The following FBXO11 variants were observed in gnomAD, a reference collection of about 807,000 sequenced individuals.
FBXO11 encodes F-box only protein 11.
A neutral mutation model predicts 117.0 loss-of-function variants in FBXO11; 13 were observed. That is an observed-to-expected ratio of 0.11 (90% CI 0.07 to 0.18). The LOEUF (loss-of-function observed/expected upper bound fraction) is 0.18, where lower values mean the gene tolerates loss of function less well. Ranked by LOEUF, FBXO11 falls within the 10% of genes least tolerant of loss-of-function variation. The pLI, the probability that FBXO11 is intolerant of heterozygous loss-of-function variation, is 1.00. For synonymous variants in FBXO11, 490 were observed against 380.5 expected (o/e 1.29, Z -3.35); for missense variants, 767 against 1,164.4 (o/e 0.66, Z 4.97).
chr2:47,871,378 A>G (rs1019146108), intron 1 of FBXO11, among the ~76,000 whole-genome samples: 12 of 152,306 alleles, frequency 7.9e-5, no homozygotes, highest in African/African-American at 2.9e-4. Context: ...AGCCCCAGTC[A>G]AGACTTCAAA....
At chr2:47,827,024 T>C (rs1373179620) in intron 11 of FBXO11, among the ~76,000 whole-genome samples, 3 of 152,246 alleles carry the variant, frequency 2.0e-5, no homozygotes, top group Admixed American at 6.5e-5. Flanking sequence ...TTTACCACAT[T>C]GTATTAATAA....
At chr2:47,819,826 A>G (rs1479172291) in intron 14 of FBXO11, among the ~76,000 whole-genome samples, 1 of 152,222 alleles carries the variant, frequency 6.6e-6, no homozygotes, top group African/African-American at 2.4e-5. Context: ...AATGAAAATT[A>G]AAAGTAATGC....
intron 1 of FBXO11, 58 bp from the exon 2 acceptor site, chr2:47,839,827 A>C: frequency 6.6e-7 from 1 of 1,516,714 alleles, no homozygotes; most frequent in African/African-American, 1.4e-5. Flanking sequence ...AGTTCTATGG[A>C]TACAGAAAAC....
chr2:47,898,667 G>A (rs532503758), intron 1 of FBXO11, among the ~76,000 whole-genome samples: 21 of 152,246 alleles, frequency 1.4e-4, no homozygotes, highest in Admixed American at 4.6e-4. Context: ...ATAATCAGAA[G>A]ATTACTTGAA....
intron 1 of FBXO11, among the ~76,000 whole-genome samples, chr2:47,850,393 A>G (rs1673767277): frequency 6.6e-6 from 1 of 152,266 alleles, no homozygotes; most frequent in Non-Finnish European, 1.5e-5. Flanking sequence ...TGGGTTGGAC[A>G]TAAATAAGAG....
At chr2:47,809,875 A>G in intron 19 of FBXO11, 168 bp from the exon 20 acceptor site, 1 of 552,544 alleles carries the variant, frequency 1.8e-6, no homozygotes, top group Non-Finnish European at 3.2e-6. Flanking sequence ...AGTAACATTC[A>G]CTTATCAATG....
intron 1 of FBXO11, among the ~76,000 whole-genome samples, chr2:47,871,271 G>T (rs939316222): frequency 6.6e-6 from 1 of 152,142 alleles, no homozygotes; most frequent in Admixed American, 6.5e-5. Flanking sequence ...ATAGGACCAG[G>T]CAACAGAAAA....
intron 5 of FBXO11, among the ~76,000 whole-genome samples, chr2:47,835,463 T>C (rs1672480456): frequency 1.3e-5 from 2 of 152,312 alleles, no homozygotes; most frequent in South Asian, 4.1e-4. Context: ...TGCTGAATAT[T>C]CTGTTGGTTG....
chr2:47,819,859 A>G (rs1175079136), intron 14 of FBXO11, among the ~76,000 whole-genome samples: 3 of 152,192 alleles, frequency 2.0e-5, no homozygotes, highest in Non-Finnish European at 4.4e-5. Context: ...CCTTTTTGAA[A>G]TTTCCTACAT....
intron 21 of FBXO11, chr2:47,808,669 A>G: frequency 7.4e-6 from 3 of 403,084 alleles, no homozygotes; most frequent in Non-Finnish European, 1.3e-5. Flanking sequence ...TTTCCACTTT[A>G]AAAGCCTCTC....
At chr2:47,839,571 A>G in intron 2 of FBXO11, 71 bp from the exon 3 acceptor site, 1 of 1,601,310 alleles carries the variant, frequency 6.2e-7, no homozygotes, top group East Asian at 2.2e-5. Context: ...CTAAAAAAGG[A>G]TGACATTCCC....
At chr2:47,817,186 T>C (rs563104606) in intron 16 of FBXO11, among the ~76,000 whole-genome samples, 1 of 152,378 alleles carries the variant, frequency 6.6e-6, no homozygotes, top group African/African-American at 2.4e-5. Context: ...CTTAGCTTTT[T>C]TTCTTAAACC....
At chr2:47,822,854 C>T (rs947972445) in intron 12 of FBXO11, among the ~76,000 whole-genome samples, 1 of 152,146 alleles carries the variant, frequency 6.6e-6, no homozygotes, top group Admixed American at 6.5e-5. Context: ...GTCCTATTTA[C>T]TCATCTATAA....
At chr2:47,904,389 CCCCT>C (rs751071418) in intron 1 of FBXO11, among the ~76,000 whole-genome samples, 44 of 152,060 alleles carry the variant, frequency 2.9e-4, no homozygotes, top group Non-Finnish European at 1.0e-4. Context: ...TGCAACACCC[CCCCT>C]CATAAACCTC....
intron 1 of FBXO11, among the ~76,000 whole-genome samples, chr2:47,863,006 G>A (rs1674899432): frequency 6.8e-6 from 1 of 146,666 alleles, no homozygotes; most frequent in Non-Finnish European, 1.5e-5. Context: ...AGTGAGCTGA[G>A]ATCGCGCCAT....
intron 1 of FBXO11, among the ~76,000 whole-genome samples, chr2:47,888,297 T>C (rs1257855387): frequency 6.6e-6 from 1 of 152,192 alleles, no homozygotes; most frequent in Non-Finnish European, 1.5e-5. Flanking sequence ...TCTGGAGACT[T>C]GGGCTCTAAA....
intron 1 of FBXO11, among the ~76,000 whole-genome samples, chr2:47,858,851 C>A (rs1400896529): frequency 4.6e-5 from 7 of 150,874 alleles, no homozygotes; most frequent in African/African-American, 1.7e-4. Flanking sequence ...AAGACCAGGT[C>A]AACATGGTGA....
chr2:47,859,707 T>G (rs2103733018), intron 1 of FBXO11, among the ~76,000 whole-genome samples: 1 of 152,340 alleles, frequency 6.6e-6, no homozygotes, highest in Non-Finnish European at 1.5e-5. Flanking sequence ...GAAACAGAAT[T>G]TTAACTTTAA....
intron 11 of FBXO11, among the ~76,000 whole-genome samples, chr2:47,829,845 G>A (rs555281570): frequency 6.6e-6 from 1 of 152,192 alleles, no homozygotes; most frequent in African/African-American, 2.4e-5. Context: ...AAACAAAATT[G>A]GCCATGAAAT....
Sources: gnomAD v4.1 joint callset for allele counts (sites outside exome capture counted in the v4.1 genomes callset) on GRCh38, gnomAD v4.1.1 for gene constraint, MANE v1.5 for transcripts, NCBI Gene and HGNC (gene_info 2026-07-23, HGNC 2026-07-21) for gene names.